EPB41L1: variants seen among roughly 807,000 people sequenced by gnomAD.
EPB41L1 encodes the protein erythrocyte membrane protein band 4.1 like 1.
In EPB41L1, 29 loss-of-function variants were observed where a neutral mutation model predicts 97.8. That is an observed-to-expected ratio of 0.30 (90% CI 0.22 to 0.40). EPB41L1 has a LOEUF of 0.40. EPB41L1 is among the 10% of genes least tolerant of loss of function. EPB41L1 has a pLI of 1.00. For synonymous variants in EPB41L1, 383 were observed against 459.2 expected, an observed-to-expected ratio of 0.83 and a Z score of 2.12; for missense variants, 812 against 1,162.3, an observed-to-expected ratio of 0.70 and a Z score of 4.38.
chr20:36,165,780 A>G (rs2060715563), intron 1 of EPB41L1, among the ~76,000 whole-genome samples: 1 of 152,220 alleles, frequency 6.6e-6, no homozygotes, highest in Admixed American at 6.5e-5. Context: ...CAGTGGTCCC[A>G]GTTCTGAGTT....
intron 21 of EPB41L1, among the ~76,000 whole-genome samples, chr20:36,222,974 G>A (rs1009939013): frequency 2.6e-5 from 4 of 152,210 alleles, no homozygotes; most frequent in Non-Finnish European, 5.9e-5. Context: ...TTGACTCACT[G>A]CAACCTCTGG....
In EPB41L1 at chr20:36,095,814, G is replaced by A. The variant is rs1051078502; in HGVS notation, c.-65+4202G>A. On this transcript the variant is annotated intron_variant, in intron 1 of 19. Transcript: ENST00000202028. ...ATCCCAGCACTTTGGGAGGCGAGGC[G>A]AATGGATCACCTGAGGTCAGGAGTT... is the stretch of plus-strand genomic sequence containing the variant. Among the ~76,000 whole-genome samples, 5 of 152,224 alleles carry A rather than the reference G, an allele frequency of 3.3e-5. No individual in the cohort carries two copies. In the East Asian group the frequency reaches 7.7e-4, roughly 24 times the overall value.
At chr20:36,221,279 G>A (rs1224194857) in intron 19 of EPB41L1, among the ~76,000 whole-genome samples, 4 of 152,242 alleles carry the variant, frequency 2.6e-5, no homozygotes, top group Admixed American at 2.6e-4. Context: ...GAGGTCATAA[G>A]TATCATCAAT....
intron 2 of EPB41L1, among the ~76,000 whole-genome samples, chr20:36,112,793 C>T (rs1456811602): frequency 2.0e-5 from 3 of 152,212 alleles, no homozygotes; most frequent in South Asian, 2.1e-4. Flanking sequence ...GAAGCTGCCC[C>T]GTGGCCCTTG....
intron 2 of EPB41L1, among the ~76,000 whole-genome samples, chr20:36,122,945 G>C (rs1005790931): frequency 1.3e-5 from 2 of 152,164 alleles, no homozygotes; most frequent in South Asian, 4.1e-4. Context: ...TGAGTGCCTC[G>C]ACCCTTGCTC....
At chr20:36,117,045 T>C (rs915618728) in intron 2 of EPB41L1, among the ~76,000 whole-genome samples, 2 of 152,228 alleles carry the variant, frequency 1.3e-5, no homozygotes, top group Non-Finnish European at 2.9e-5. Context: ...TATGAATGGC[T>C]GTGCCATTGT....
intron 2 of EPB41L1, among the ~76,000 whole-genome samples, chr20:36,126,288 C>T (rs2058963650): frequency 6.6e-6 from 1 of 151,826 alleles, no homozygotes; most frequent in Non-Finnish European, 1.5e-5. Context: ...TATTTGGAAG[C>T]TGTATTTCAG....
chr20:36,103,944 T>C (rs1014422369), intron 1 of EPB41L1, among the ~76,000 whole-genome samples: 3 of 152,170 alleles, frequency 2.0e-5, no homozygotes, highest in Non-Finnish European at 2.9e-5. Flanking sequence ...GACCTCATGA[T>C]CTGCCCGCCT....
chr20:36,171,689 GTCCA>G, intron 1 of EPB41L1, among the ~76,000 whole-genome samples: 1 of 152,296 alleles, frequency 6.6e-6, no homozygotes, highest in East Asian at 1.9e-4. Context: ...CTGGGCTGAT[GTCCA>G]CTGAGATGCA....
At chr20:36,160,654 C>T (rs550398627) in intron 1 of EPB41L1, among the ~76,000 whole-genome samples, 1 of 152,034 alleles carries the variant, frequency 6.6e-6, no homozygotes, top group Admixed American at 6.5e-5. Flanking sequence ...CAAACAAATC[C>T]TACTCTCCAG....
chr20:36,182,986 G>A (rs539294328), intron 6 of EPB41L1, among the ~76,000 whole-genome samples: 7 of 152,310 alleles, frequency 4.6e-5, no homozygotes, highest in African/African-American at 1.7e-4. Context: ...GGCAAGCGTG[G>A]ACTGTGTGTG....
intron 2 of EPB41L1, among the ~76,000 whole-genome samples, chr20:36,130,787 TTCTCTCTCTCTCTC>T (rs35428172): frequency 2.1e-5 from 3 of 143,666 alleles, no homozygotes; most frequent in African/African-American, 7.8e-5. Flanking sequence ...TTTTAAAAAT[TTCTCTCTCTCTCTC>T]TCTCTCTCTC....
Position 36,172,767 on chromosome 20 carries a change from A to G in EPB41L1, c.-14-997A>G, listed in dbSNP as rs1373180917. Reference sequence around the variant, plus strand: ...AGAAGTGCGCCACCACACCTGGCTAATTTTTGTATTTTTAGTAGAGACGGG... The same window carrying G: ...AGAAGTGCGCCACCACACCTGGCTAGTTTTTGTATTTTTAGTAGAGACGGG... On this transcript the variant is annotated intron_variant, in intron 1 of 21. Transcript: ENST00000338074. Among the ~76,000 whole-genome samples the G allele has an allele frequency of 3.3e-5, 5 of 151,978 alleles. 1 individual carries two copies. Among genetic ancestry groups the G allele is most frequent in the Admixed American group, 3.3e-4 (5 of 15,264 alleles).
intron 14 of EPB41L1, among the ~76,000 whole-genome samples, chr20:36,204,471 CTTT>C (rs765673962): frequency 4.4e-5 from 4 of 90,606 alleles, no homozygotes; most frequent in Middle Eastern, 6.0e-3. Context: ...CGATCTGGTG[CTTT>C]TTTTTTTTTT....
At chr20:36,216,522 A>G (rs920773852) in intron 17 of EPB41L1, among the ~76,000 whole-genome samples, 1 of 152,160 alleles carries the variant, frequency 6.6e-6, no homozygotes, top group Non-Finnish European at 1.5e-5. Flanking sequence ...TAGGGACATG[A>G]TGTCATCAGA....
At chr20:36,203,007 C>A (rs1183237945) in intron 14 of EPB41L1, among the ~76,000 whole-genome samples, 2 of 152,278 alleles carry the variant, frequency 1.3e-5, no homozygotes, top group Non-Finnish European at 2.9e-5. Flanking sequence ...GTGCCCCTAC[C>A]TGACGGCAGG....
In EPB41L1 at chr20:36,204,194, G is replaced by A. The variant is rs538731039; in HGVS notation, c.1669-5294G>A. ...TGAGTTTCCATATCTGTATCACGAG[G>A]GGCTCTAGTTGGGGCAGTGAGGAGG... On this transcript the variant is annotated intron_variant, in intron 14 of 21. Transcript: ENST00000338074. Among the ~76,000 whole-genome samples, 6 of 152,250 alleles carry A rather than the reference G, an allele frequency of 3.9e-5. No individual in the cohort carries two copies. In the South Asian group the frequency reaches 1.2e-3, roughly 32 times the overall value.
chr20:36,175,411 G>A (rs2061185198), intron 2 of EPB41L1, 140 bp from the exon 3 acceptor site: 3 of 935,158 alleles, frequency 3.2e-6, no homozygotes, highest in East Asian at 5.0e-5. Context: ...GACCCTAGTT[G>A]CCCTGTGGGT....
chr20:36,122,918 G>A (rs983514610), intron 2 of EPB41L1, among the ~76,000 whole-genome samples: 2 of 152,094 alleles, frequency 1.3e-5, no homozygotes, highest in African/African-American at 4.8e-5. Flanking sequence ...ACTGCCACAG[G>A]TTCCACCTGG....
Sources: gnomAD v4.1 joint callset for allele counts (sites outside exome capture counted in the v4.1 genomes callset) on GRCh38, gnomAD v4.1.1 for gene constraint, MANE v1.5 for transcripts, NCBI Gene and HGNC (gene_info 2026-07-23, HGNC 2026-07-21) for gene names.